The following FAM168A variants were observed in gnomAD, a reference collection of about 807,000 sequenced individuals.
FAM168A encodes the protein family with sequence similarity 168 member A.
In FAM168A, 3 loss-of-function variants were observed where a neutral mutation model predicts 28.5. That is an observed-to-expected ratio of 0.11 (90% CI 0.05 to 0.27). The LOEUF is 0.27. Among genes scored for constraint, FAM168A ranks in the 10% least tolerant of loss-of-function variants. The pLI is 1.00. For synonymous variants in FAM168A, 122 were observed against 124.2 expected (o/e 0.98, Z 0.12); for missense variants, 222 against 311.5 (o/e 0.71, Z 2.16).
At chr11:73,488,620 G>A (rs760476213) in intron 1 of FAM168A, among the ~76,000 whole-genome samples, 2 of 152,066 alleles carry the variant, frequency 1.3e-5, no homozygotes, top group Non-Finnish European at 2.9e-5. Context: ...AACTGCACCT[G>A]TACCCACAGA....
chr11:73,507,316 C>T (rs1411044113), intron 1 of FAM168A, among the ~76,000 whole-genome samples: 1 of 151,912 alleles, frequency 6.6e-6, no homozygotes, highest in Non-Finnish European at 1.5e-5. Context: ...CAAGACTCAT[C>T]CAAAAACAAT....
At chr11:73,484,732 C>CGATATATA (rs561287223) in intron 1 of FAM168A, among the ~76,000 whole-genome samples, 3 of 143,802 alleles carry the variant, frequency 2.1e-5, no homozygotes, top group South Asian at 2.2e-4. Context: ...AGATATATAT[C>CGATATATA]GATATATAGA....
rs188994304 is a variant in FAM168A, at chr11:73,429,968, C to A, written c.151+722G>T. On this transcript the variant is annotated intron_variant, in intron 3 of 7. Coordinates refer to ENST00000356467, the MANE Select transcript of FAM168A (RefSeq NM_015159.3). ...AGGTGACTTGCCCAAGGCCTTACAACTAGTGAGTTGGGTAATCAGGATTCA... is the reference window on the plus strand; with the variant it reads ...AGGTGACTTGCCCAAGGCCTTACAAATAGTGAGTTGGGTAATCAGGATTCA... Among the ~76,000 whole-genome samples the A allele has an allele frequency of 1.6e-3, 239 of 152,272 alleles. 1 individual carries two copies. The highest frequency in any genetic ancestry group is 5.3e-3 in the African/African-American group (220 of 41,560).
At chr11:73,576,542 AG>A (rs1944177926) in intron 1 of FAM168A, among the ~76,000 whole-genome samples, 1 of 152,214 alleles carries the variant, frequency 6.6e-6, no homozygotes, top group Non-Finnish European at 1.5e-5. Flanking sequence ...AGTAATTTCT[AG>A]GAAATTACAA....
At chr11:73,557,694 G>A (rs886400713) in intron 1 of FAM168A, among the ~76,000 whole-genome samples, 21 of 152,070 alleles carry the variant, frequency 1.4e-4, no homozygotes, top group African/African-American at 4.8e-4. Flanking sequence ...ATTGCAAGAG[G>A]CCACAAACAG....
In FAM168A at chr11:73,571,390, C is replaced by T. The variant is rs1420830449; in HGVS notation, c.-19+26533G>A. ...CCTGCCGAGTGCCTGCGATTGCAGG[C>T]GCGCGCCGCCATGCCTGACTGGTTT... is the stretch of plus-strand genomic sequence containing the variant. On this transcript the variant is annotated intron_variant, in intron 1 of 7. Coordinates refer to ENST00000356467, the MANE Select transcript of FAM168A (RefSeq NM_015159.3). Among the ~76,000 whole-genome samples, 12 of 151,990 alleles carry T rather than the reference C, an allele frequency of 7.9e-5. No homozygotes were observed. In the East Asian group the frequency reaches 1.2e-3, roughly 15 times the overall value.
intron 1 of FAM168A, among the ~76,000 whole-genome samples, chr11:73,512,474 T>C (rs371548975): frequency 1.3e-5 from 2 of 152,054 alleles, no homozygotes; most frequent in East Asian, 3.9e-4. Context: ...TATTCTAAAA[T>C]TAGATAGATG....
At chr11:73,581,588 C>T (rs929684548) in intron 1 of FAM168A, among the ~76,000 whole-genome samples, 11 of 152,238 alleles carry the variant, frequency 7.2e-5, no homozygotes, top group African/African-American at 2.7e-4. Context: ...ATTGTCCACA[C>T]ATAAGACCTA....
intron 2 of FAM168A, among the ~76,000 whole-genome samples, chr11:73,447,486 G>A (rs1167799721): frequency 2.0e-5 from 3 of 150,452 alleles, no homozygotes; most frequent in African/African-American, 7.4e-5. Context: ...CCAGGAGATC[G>A]AGGCTGCAGT....
At chr11:73,544,709 A>G (rs1354607615) in intron 1 of FAM168A, among the ~76,000 whole-genome samples, 3 of 122,440 alleles carry the variant, frequency 2.5e-5, no homozygotes, top group African/African-American at 6.9e-5. Context: ...GTAATTATAT[A>G]TAATTATATA....
intron 1 of FAM168A, among the ~76,000 whole-genome samples, chr11:73,573,999 C>T (rs1465028578): frequency 6.6e-6 from 1 of 151,684 alleles, no homozygotes; most frequent in Non-Finnish European, 1.5e-5. Context: ...GCGTTGCACA[C>T]CTGTGGTCCC....
intron 1 of FAM168A, among the ~76,000 whole-genome samples, chr11:73,480,231 G>A (rs1488141109): frequency 6.6e-6 from 1 of 152,058 alleles, no homozygotes; most frequent in East Asian, 1.9e-4. Flanking sequence ...AGCTTTGTGC[G>A]TGCCTGTAAA....
rs1866416984 is a variant in FAM168A, at chr11:73,401,819, CTG to C, written c.*4942_*4943del. ...CCACAGAAGATATCCACTGGAGAGA[CTG>C]AGGGACTGGGACCCAAGTCTGGCTT... On this transcript the variant is annotated 3_prime_UTR_variant, in exon 8 of 8. Transcript: ENST00000356467. The C allele has an allele frequency of 6.6e-6, 1 of 152,192 alleles. No individual in the cohort carries two copies. The highest frequency in any genetic ancestry group is 1.5e-5 in the Non-Finnish European group (1 of 68,048). The allele number at this position is 152,192 out of a possible 1,614,324, so 9.4% of individuals were successfully genotyped here. A position where few individuals can be genotyped will look rare whatever the true frequency, so the allele number is the denominator to read the frequency against.
At chr11:73,550,323 A>G (rs1943810214) in intron 1 of FAM168A, among the ~76,000 whole-genome samples, 1 of 152,228 alleles carries the variant, frequency 6.6e-6, no homozygotes, top group Admixed American at 6.5e-5. Context: ...GAAACCACAA[A>G]GGAAGCTACT....
intron 1 of FAM168A, among the ~76,000 whole-genome samples, chr11:73,595,700 T>G (rs759555107): frequency 6.6e-6 from 1 of 152,224 alleles, no homozygotes; most frequent in East Asian, 1.9e-4. Flanking sequence ...TTCTGATGAA[T>G]AGGTGGAGAT....
At chr11:73,594,431 T>C (rs1009409906) in intron 1 of FAM168A, among the ~76,000 whole-genome samples, 13 of 151,938 alleles carry the variant, frequency 8.6e-5, no homozygotes, top group Non-Finnish European at 1.8e-4. Context: ...TTTTTGTGTG[T>C]GTATTTTTAC....
chr11:73,491,003 T>C (rs1206487285), intron 1 of FAM168A, among the ~76,000 whole-genome samples: 1 of 152,196 alleles, frequency 6.6e-6, no homozygotes, highest in Non-Finnish European at 1.5e-5. Context: ...ATGACTCAGA[T>C]GATACACAGA....
chr11:73,438,210 T>C (rs1026830343), intron 2 of FAM168A, among the ~76,000 whole-genome samples: 4 of 152,136 alleles, frequency 2.6e-5, no homozygotes, highest in Non-Finnish European at 5.9e-5. Context: ...GCACTTACAG[T>C]CTAATGGGAA....
chr11:73,547,650 G>A (rs928826375), intron 1 of FAM168A, among the ~76,000 whole-genome samples: 2 of 151,930 alleles, frequency 1.3e-5, no homozygotes, highest in African/African-American at 4.8e-5. Context: ...CTTCAGCCTG[G>A]GCAACAGAGT....
Sources: allele counts gnomAD v4.1 joint callset (sites outside exome capture counted in the v4.1 genomes callset), GRCh38; gene constraint gnomAD v4.1.1; transcripts MANE v1.5; gene names NCBI Gene and HGNC (gene_info 2026-07-23, HGNC 2026-07-21).